ADD3: variants seen among roughly 807,000 people sequenced by gnomAD.
The protein encoded by ADD3 is adducin 3.
Under a neutral mutation model 80.2 loss-of-function variants are expected in ADD3, and 25 were observed. The ratio of observed to expected loss-of-function variants is 0.31; its 90% confidence interval spans 0.23 to 0.44. The LOEUF (loss-of-function observed/expected upper bound fraction) is 0.44. ADD3 is among the 20% of genes least tolerant of loss of function. ADD3 has a pLI of 1.00. For synonymous variants in ADD3, 284 were observed against 289.6 expected (o/e 0.98, Z 0.20); for missense variants, 829 against 847.5 (o/e 0.98, Z 0.27).
Position 110,078,528 on chromosome 10 carries a change from C to T in ADD3, c.-29-22097C>T, listed in dbSNP as rs1333346016. Among the ~76,000 whole-genome samples, 3 of 152,234 alleles carry T rather than the reference C, an allele frequency of 2.0e-5. No individual in the cohort carries two copies. The East Asian group carries it at 5.8e-4, about 29-fold the overall frequency. On this transcript the variant is annotated intron_variant, in intron 1 of 14. Coordinates refer to ENST00000356080, the MANE Select transcript of ADD3 (RefSeq NM_016824.5). ...GAACTAGCTATATAAATCATCTCAT[C>T]AGCATTTTCAAGTTGAAATTAGGCC...
intron 1 of ADD3, among the ~76,000 whole-genome samples, chr10:110,082,702 G>A (rs1414190520): frequency 6.6e-6 from 1 of 152,152 alleles, no homozygotes; most frequent in Non-Finnish European, 1.5e-5. Flanking sequence ...TTATTTGTAC[G>A]TGGTCTCAAA....
intron 1 of ADD3, among the ~76,000 whole-genome samples, chr10:110,008,765 TCTC>T (rs1011368025): frequency 1.3e-5 from 2 of 152,058 alleles, no homozygotes; most frequent in African/African-American, 2.4e-5. Context: ...TAGTTGTTTT[TCTC>T]CTCATTTAAA....
chr10:110,015,977 T>C (rs1852943458), intron 1 of ADD3, among the ~76,000 whole-genome samples: 1 of 152,210 alleles, frequency 6.6e-6, no homozygotes, highest in Admixed American at 6.5e-5. Flanking sequence ...GATTAATTGG[T>C]AATCACTTAA....
In ADD3 at chr10:110,133,458, C is replaced by T. The variant is rs1484429027; in HGVS notation, c.1961C>T (p.Thr654Ile). The change falls in exon 15 of 15, where the codon ACC becomes ATC. Residue 654 changes from threonine (T) to isoleucine (I), a missense_variant. Thr to Ile is a moderately conservative substitution (Grantham distance 89, BLOSUM62 -1). Coordinates refer to ENST00000356080, the MANE Select transcript of ADD3 (RefSeq NM_016824.5). ...KRVSRLSTST[T>I]IENIEITIKS... ...GTGAGTAGGTTAAGCACAAGTACAA[C>T]CATAGAAAACATCGAGATTACTATT... 6.2e-7 allele frequency: 1 copy of T among 1,613,668 alleles called. No individual in the cohort carries two copies. The highest frequency in any genetic ancestry group is 1.7e-5 in the Admixed American group (1 of 59,996).
At chr10:110,010,672 T>A (rs1375158026) in intron 1 of ADD3, among the ~76,000 whole-genome samples, 5 of 152,214 alleles carry the variant, frequency 3.3e-5, no homozygotes, top group African/African-American at 4.8e-5. Context: ...TTTTATATGA[T>A]TTAATTTACT....
chr10:110,072,821 A>G (rs1408249261), intron 1 of ADD3, among the ~76,000 whole-genome samples: 1 of 152,210 alleles, frequency 6.6e-6, no homozygotes, highest in African/African-American at 2.4e-5. Context: ...GAGCCCTTCT[A>G]CAGTTCAAGG....
intron 1 of ADD3, among the ~76,000 whole-genome samples, chr10:110,065,382 C>G (rs1843772612): frequency 6.6e-6 from 1 of 151,742 alleles, no homozygotes; most frequent in African/African-American, 2.4e-5. Context: ...TGCAAAAAGT[C>G]TCTAGCCATG....
At chr10:110,053,933 A>T (rs1033733764) in intron 1 of ADD3, among the ~76,000 whole-genome samples, 1 of 152,254 alleles carries the variant, frequency 6.6e-6, no homozygotes, top group Non-Finnish European at 1.5e-5. Context: ...TTATCATAAC[A>T]GAATTGGTAA....
intron 1 of ADD3, among the ~76,000 whole-genome samples, chr10:110,064,892 T>C (rs1233266333): frequency 6.6e-6 from 1 of 152,154 alleles, no homozygotes; most frequent in African/African-American, 2.4e-5. Flanking sequence ...ACCTTATCTC[T>C]ACAAAAAATA....
intron 2 of ADD3, among the ~76,000 whole-genome samples, chr10:110,102,466 G>A (rs912389690): frequency 1.2e-4 from 18 of 152,064 alleles, no homozygotes; most frequent in African/African-American, 3.4e-4. Context: ...AAAATTAGTC[G>A]AGCGTGGTGG....
At chr10:110,044,502 T>C (rs1046160309) in intron 1 of ADD3, among the ~76,000 whole-genome samples, 1 of 152,216 alleles carries the variant, frequency 6.6e-6, no homozygotes. Flanking sequence ...ATGTATTCTT[T>C]GTTTAATGTA....
chr10:110,023,302 A>C (rs1322533279), intron 1 of ADD3, among the ~76,000 whole-genome samples: 1 of 152,208 alleles, frequency 6.6e-6, no homozygotes, highest in African/African-American at 2.4e-5. Context: ...GATGACAACT[A>C]TCTGTGAACA....
At chr10:110,024,628 A>G (rs538983805) in intron 1 of ADD3, among the ~76,000 whole-genome samples, 3 of 152,358 alleles carry the variant, frequency 2.0e-5, no homozygotes, top group Admixed American at 6.5e-5. Context: ...GATTATTTCA[A>G]TGTAAAATTT....
At chr10:110,127,868 C>T (rs529848072) in intron 12 of ADD3, among the ~76,000 whole-genome samples, 4 of 152,058 alleles carry the variant, frequency 2.6e-5, no homozygotes, top group South Asian at 4.1e-4. Context: ...AATAGCTTTC[C>T]GAGAAAAGGA....
At chr10:110,105,152 T>C (rs892215007) in intron 2 of ADD3, among the ~76,000 whole-genome samples, 17 of 152,172 alleles carry the variant, frequency 1.1e-4, no homozygotes, top group Admixed American at 9.8e-4. Context: ...GTATTACTTA[T>C]TTCTAGGAAT....
intron 1 of ADD3, among the ~76,000 whole-genome samples, chr10:110,096,156 T>C (rs1447455713): frequency 6.6e-6 from 1 of 152,202 alleles, no homozygotes; most frequent in African/African-American, 2.4e-5. Context: ...TATATAAAAA[T>C]ATTTTTTTGG....
In ADD3 at chr10:110,054,734, C is replaced by T. The variant is rs980958097; in HGVS notation, c.-29-45891C>T. On this transcript the variant is annotated intron_variant, in intron 1 of 14. Transcript: ENST00000356080. ...GTTCATGCCATTCTCCTGCCTCAGCCTCCCAAGTAGCTGGGACTACAGGTG... is the reference window on the plus strand; with the variant it reads ...GTTCATGCCATTCTCCTGCCTCAGCTTCCCAAGTAGCTGGGACTACAGGTG... 4.6e-5 allele frequency among the ~76,000 whole-genome samples: 7 copies of T among 152,136 alleles called. No homozygotes were observed. In the East Asian group the frequency reaches 1.4e-3, roughly 29 times the overall value.
intron 2 of ADD3, among the ~76,000 whole-genome samples, chr10:110,105,542 A>G (rs1849311138): frequency 6.6e-6 from 1 of 152,226 alleles, no homozygotes; most frequent in South Asian, 2.1e-4. Flanking sequence ...GCTTAACAAA[A>G]CAGTTGCTGG....
In ADD3 at chr10:110,124,133, G is replaced by A; in HGVS notation, c.1260G>A (p.Val420=). The change falls in exon 10 of 15, where the codon GTG becomes GTA. Residue 420 remains valine (V), a synonymous_variant. Transcript: ENST00000356080. ...CTTTTTCCTTTGAAGACGATACAGT[G>A]CCACTCTCTCCTCTCAAATACATGG... ...VTAFSFEDDT[V]PLSPLKYMAQ... is the part of the protein sequence containing the mutation. 3 of 1,614,076 alleles carry A rather than the reference G, an allele frequency of 1.9e-6. No individual in the cohort carries two copies. Among genetic ancestry groups the A allele is most frequent in the Non-Finnish European group, 2.5e-6 (3 of 1,179,992 alleles).
Sources: allele counts gnomAD v4.1 joint callset (sites outside exome capture counted in the v4.1 genomes callset), GRCh38; gene constraint gnomAD v4.1.1; transcripts MANE v1.5; gene names NCBI Gene and HGNC (gene_info 2026-07-23, HGNC 2026-07-21).